Variants in TSEN2 observed in about 807,000 individuals in gnomAD.
TSEN2 encodes the protein tRNA splicing endonuclease subunit 2.
TSEN2 carries 54 observed loss-of-function variants against 59.2 expected under a neutral mutation model. The ratio of observed to expected loss-of-function variants is 0.91; its 90% CI spans 0.73 to 1.14. The LOEUF is 1.14. Ranked by LOEUF, TSEN2 falls within the 50% of genes most tolerant of loss-of-function variation. The probability of loss-of-function intolerance (pLI) is 0.00; values close to 1 mark genes in which losing one functional copy is unlikely to be tolerated. For missense variants in TSEN2, 636 were observed against 576.2 expected, an observed-to-expected ratio of 1.10 and a Z score of -1.06; for synonymous variants, 195 against 198.2, an observed-to-expected ratio of 0.98 and a Z score of 0.14.
At chr3:12,522,305 C>T (rs921436700) in intron 8 of TSEN2, among the ~76,000 whole-genome samples, 2 of 152,158 alleles carry the variant, frequency 1.3e-5, no homozygotes, top group African/African-American at 4.8e-5. Flanking sequence ...ATAAACTACT[C>T]AGTTTACAAC....
At chr3:12,513,180 C>T (rs1397902374) in intron 6 of TSEN2, among the ~76,000 whole-genome samples, 2 of 152,164 alleles carry the variant, frequency 1.3e-5, no homozygotes, top group Non-Finnish European at 2.9e-5. Flanking sequence ...TGGTTTCATT[C>T]ACTCTTGGGG....
At chr3:12,513,391 C>T (rs1418285183) in intron 6 of TSEN2, among the ~76,000 whole-genome samples, 3 of 152,090 alleles carry the variant, frequency 2.0e-5, no homozygotes, top group Non-Finnish European at 4.4e-5. Context: ...TTTGGGAGGC[C>T]GAGGCGGGCA....
upstream of TSEN2, chr3:12,484,335 T>A (rs1171784940): frequency 1.3e-5 from 2 of 152,316 alleles, no homozygotes; most frequent in Non-Finnish European, 1.5e-5. Flanking sequence ...TACTCCGCAG[T>A]GGCAGAGCTG....
At position 12,503,387 on chromosome 3, in the gene TSEN2, A is replaced by G. The variant is rs745350827; in HGVS notation, c.434A>G (p.Glu145Gly). Residue 145 changes from glutamate (E) to glycine (G), a missense_variant, in exon 5 of 12, where the codon GAA becomes GGA. Physicochemically the swap from Glu to Gly is moderately conservative, Grantham distance 98. Coordinates refer to ENST00000284995, the MANE Select transcript of TSEN2 (RefSeq NM_025265.4). ...PLEHPPVKRN[E>G]EAQVHDKLNS... is the part of the protein sequence containing the mutation. ...GAGCATCCTCCTGTGAAAAGGAATG[A>G]AGAGGCTCAAGTGCATGACAAGCTT... The G allele has an allele frequency of 3.7e-6, 6 of 1,614,086 alleles. No homozygotes were observed. In the East Asian group the frequency reaches 1.3e-4, roughly 36 times the overall value.
intron 6 of TSEN2, among the ~76,000 whole-genome samples, chr3:12,510,613 C>G (rs1167124157): frequency 1.3e-5 from 2 of 152,134 alleles, no homozygotes; most frequent in Non-Finnish European, 2.9e-5. Context: ...GTCTTGTGCC[C>G]GGCTCTTCCA....
chr3:12,531,566 A>G lies in TSEN2; in HGVS notation c.1249-4A>G, dbSNP rs375831139. 14 of 1,600,846 alleles carry G rather than the reference A, an allele frequency of 8.7e-6. No homozygotes were observed. Among genetic ancestry groups the G allele is most frequent in the Non-Finnish European group, 1.1e-5 (13 of 1,168,026 alleles). ...TACAGAAGTGGTTTTTCATTTCTCA[A>G]TAGGAACTTATGCTGTGCTATTTGA... On this transcript the variant is annotated splice_region_variant and splice_polypyrimidine_tract_variant and intron_variant, in intron 10 of 11. Coordinates refer to ENST00000284995, the MANE Select transcript of TSEN2 (RefSeq NM_025265.4).
At chr3:12,510,408 G>A (rs1173280155) in intron 6 of TSEN2, among the ~76,000 whole-genome samples, 1 of 152,186 alleles carries the variant, frequency 6.6e-6, no homozygotes, top group African/African-American at 2.4e-5. Context: ...TGGTACTTCT[G>A]TGTATTGTTC....
chr3:12,499,373 GTCCCT>G (rs1197796966), intron 4 of TSEN2, among the ~76,000 whole-genome samples: 4 of 152,202 alleles, frequency 2.6e-5, no homozygotes, highest in African/African-American at 9.6e-5. Flanking sequence ...AAAAGACCTA[GTCCCT>G]GTTCTTGAAG....
At chr3:12,507,211 A>C (rs1422690611) in intron 6 of TSEN2, among the ~76,000 whole-genome samples, 1 of 152,196 alleles carries the variant, frequency 6.6e-6, no homozygotes, top group Non-Finnish European at 1.5e-5. Flanking sequence ...AATAAAATAG[A>C]ATAAACAATT....
chr3:12,531,478 G>T, intron 10 of TSEN2, 92 bp from the exon 11 acceptor site: 1 of 777,544 alleles, frequency 1.3e-6, no homozygotes, highest in East Asian at 2.5e-5. Flanking sequence ...CACAGTGAGA[G>T]GGACTGGAGA....
At chr3:12,517,086 G>A (rs573640462) in intron 7 of TSEN2, among the ~76,000 whole-genome samples, 9 of 152,220 alleles carry the variant, frequency 5.9e-5, no homozygotes, top group South Asian at 2.1e-4. Flanking sequence ...GGTGGCTCAC[G>A]CCTGTAATCC....
intron 6 of TSEN2, among the ~76,000 whole-genome samples, chr3:12,506,527 C>A (rs369167906): frequency 1.3e-5 from 2 of 148,954 alleles, no homozygotes; most frequent in Non-Finnish European, 3.0e-5. Context: ...CCTGGGAGGT[C>A]GAGGCTTTAA....
At chr3:12,517,842 T>C (rs749892478) in intron 7 of TSEN2, among the ~76,000 whole-genome samples, 1 of 152,128 alleles carries the variant, frequency 6.6e-6, no homozygotes, top group Non-Finnish European at 1.5e-5. Context: ...CTGGGCTGTG[T>C]TGGAAATTCA....
At chr3:12,493,270 G>A (rs1468496700) in intron 3 of TSEN2, among the ~76,000 whole-genome samples, 1 of 152,102 alleles carries the variant, frequency 6.6e-6, no homozygotes, top group African/African-American at 2.4e-5. Context: ...AGTTGTTTTG[G>A]ATATATACCC....
chr3:12,526,894 G>A (rs2057128016), intron 8 of TSEN2, among the ~76,000 whole-genome samples: 1 of 152,178 alleles, frequency 6.6e-6, no homozygotes, highest in Non-Finnish European at 1.5e-5. Context: ...GTGCATATTG[G>A]ATTAAAGATG....
downstream of TSEN2, among the ~76,000 whole-genome samples, chr3:12,535,668 A>T (rs544575964): frequency 6.6e-6 from 1 of 152,234 alleles, no homozygotes; most frequent in African/African-American, 2.4e-5. Context: ...AGTAGCTGGG[A>T]TTACAAGTGC....
downstream of TSEN2, among the ~76,000 whole-genome samples, chr3:12,537,504 A>C (rs1034326454): frequency 1.3e-5 from 2 of 152,100 alleles, no homozygotes; most frequent in African/African-American, 4.8e-5. Context: ...TTTATTGTTT[A>C]CCTCCTTTCC....
intron 10 of TSEN2, chr3:12,530,367 G>A (rs912463701): frequency 1.7e-5 from 17 of 986,330 alleles, no homozygotes; most frequent in Non-Finnish European, 1.9e-5. Context: ...CCGTTGAGTG[G>A]CTAATCCAAG....
At chr3:12,492,694 A>G (rs1201915664) in intron 3 of TSEN2, among the ~76,000 whole-genome samples, 7 of 152,278 alleles carry the variant, frequency 4.6e-5, no homozygotes, top group Admixed American at 4.6e-4. Flanking sequence ...AAACATAATT[A>G]GAAAGGATCT....
Sources: gnomAD v4.1 joint callset for allele counts (sites outside exome capture counted in the v4.1 genomes callset) on GRCh38, gnomAD v4.1.1 for gene constraint, MANE v1.5 for transcripts, NCBI Gene and HGNC (gene_info 2026-07-23, HGNC 2026-07-21) for gene names.